Variants in PIK3CD observed in about 807,000 individuals in gnomAD.
PIK3CD encodes the protein phosphatidylinositol 4,5-bisphosphate 3-kinase catalytic subunit delta isoform.
A neutral mutation model predicts 122.9 loss-of-function variants in PIK3CD; 20 were observed. The observed-to-expected ratio is 0.16, with a 90% CI of 0.11 to 0.24. The LOEUF (loss-of-function observed/expected upper bound fraction) is 0.24. PIK3CD is among the 10% of genes least tolerant of loss of function. The pLI is 1.00. For missense variants in PIK3CD, 787 were observed against 1,406.3 expected (o/e 0.56, Z 7.04); for synonymous variants, 596 against 593.4 (o/e 1.00, Z -0.06).
intron 2 of PIK3CD, among the ~76,000 whole-genome samples, chr1:9,696,632 C>CA (rs772999646): frequency 2.7e-5 from 4 of 150,368 alleles, no homozygotes; most frequent in East Asian, 3.9e-4. Context: ...TGCCTGTAGT[C>CA]ACAGCTACTC....
chr1:9,698,030 C>CA (rs1380880167), intron 2 of PIK3CD, among the ~76,000 whole-genome samples: 1 of 151,400 alleles, frequency 6.6e-6, no homozygotes, highest in Non-Finnish European at 1.5e-5. Context: ...GACCTTGTCT[C>CA]AAAAAAGAAG....
chr1:9,703,709 T>C (rs538497497), intron 2 of PIK3CD, among the ~76,000 whole-genome samples: 13 of 152,324 alleles, frequency 8.5e-5, no homozygotes, highest in South Asian at 8.3e-4. Context: ...CATTGCTATA[T>C]AACATTCTGC....
At chr1:9,703,271 C>A (rs1026983729) in intron 2 of PIK3CD, among the ~76,000 whole-genome samples, 1 of 152,248 alleles carries the variant, frequency 6.6e-6, no homozygotes, top group Non-Finnish European at 1.5e-5. Context: ...TGATAGGCTG[C>A]GCCTAAGTCT....
At chr1:9,654,275 C>CGCGTTTCT (rs752016499) in intron 1 of PIK3CD, 7 of 1,367,630 alleles carry the variant, frequency 5.1e-6, no homozygotes, top group Middle Eastern at 4.2e-4. Flanking sequence ...GCAGGAAAAG[C>CGCGTTTCT]GCGTTTCTGC....
the PIK3CD span, among the ~76,000 whole-genome samples, chr1:9,638,887 C>A: frequency 6.6e-6 from 1 of 151,250 alleles, no homozygotes; most frequent in Non-Finnish European, 1.5e-5. Flanking sequence ...GTGATCCTCC[C>A]GCCTCAGCCT....
At chr1:9,721,719 T>G (rs1648693654) in intron 15 of PIK3CD, 42 bp from the exon 16 acceptor site, 3 of 1,606,470 alleles carry the variant, frequency 1.9e-6, no homozygotes, top group Non-Finnish European at 2.6e-6. Flanking sequence ...AGGGGCTGCG[T>G]GGTGCTGCCT....
chr1:9,669,040 T>C (rs968786237), intron 1 of PIK3CD, among the ~76,000 whole-genome samples: 1 of 152,174 alleles, frequency 6.6e-6, no homozygotes, highest in Non-Finnish European at 1.5e-5. Context: ...TGACCCTATA[T>C]GCTGTTTGGG....
At position 9,689,036 on chromosome 1, in the gene PIK3CD, T is replaced by C. The variant is rs1646083603; in HGVS notation, c.-137-2431T>C. Among the ~76,000 whole-genome samples the C allele has an allele frequency of 6.6e-6, 1 of 152,370 alleles. No homozygotes were observed. The highest frequency in any genetic ancestry group is 1.5e-5 in the Non-Finnish European group (1 of 68,046). On this transcript the variant is annotated intron_variant, in intron 1 of 23. Transcript: ENST00000377346. The surrounding 1 kb of genome is among the most constrained non-coding windows in gnomAD (Gnocchi z 6.1). The stretch of plus-strand genomic sequence containing the variant: ...CTAGGGAACAGCCAGCAGGCTGGAT[T>C]TGAGCCCAGAGCCCGGGCTGGCCAA...
At chr1:9,644,450 G>A in the PIK3CD span, among the ~76,000 whole-genome samples, 75 of 148,646 alleles carry the variant, frequency 5.0e-4, no homozygotes, top group Admixed American at 1.1e-3. Flanking sequence ...CCCAGGAAGC[G>A]GAGGTTGCAG....
Position 9,716,605 on chromosome 1 carries a change from C to CT in PIK3CD, c.767dup (p.Cys257LeufsTer32). Reference sequence around the variant, plus strand: ...TGAGTACCTGTATGGCAGCTACCCGCTCTGCCAGTTCCAGGTGAGGCCGCT... The same window carrying CT: ...TGAGTACCTGTATGGCAGCTACCCGCTTCTGCCAGTTCCAGGTGAGGCCGCT... On this transcript the variant is annotated frameshift_variant, in exon 6 of 24. Transcript: ENST00000377346. LOFTEE classifies it high-confidence loss of function. 5 of 1,561,450 alleles carry CT rather than the reference C, an allele frequency of 3.2e-6. No homozygotes were observed. The highest frequency in any genetic ancestry group is 4.3e-6 in the Non-Finnish European group (5 of 1,154,400).
At chr1:9,694,050 T>C (rs548712265) in intron 2 of PIK3CD, among the ~76,000 whole-genome samples, 1 of 152,294 alleles carries the variant, frequency 6.6e-6, no homozygotes, top group African/African-American at 2.4e-5. Flanking sequence ...GCAGAGGCAC[T>C]GCATGGAGAA....
intron 2 of PIK3CD, among the ~76,000 whole-genome samples, chr1:9,693,765 T>C (rs1031844262): frequency 6.6e-6 from 1 of 150,684 alleles, no homozygotes; most frequent in East Asian, 1.9e-4. Context: ...AGGAAACCGA[T>C]AGGCGAGAGG....
intron 1 of PIK3CD, among the ~76,000 whole-genome samples, chr1:9,687,168 C>T (rs1210485808): frequency 6.6e-6 from 1 of 152,172 alleles, no homozygotes; most frequent in Non-Finnish European, 1.5e-5. Flanking sequence ...TCCCTCCATC[C>T]ATGCTGGAGA....
intron 1 of PIK3CD, among the ~76,000 whole-genome samples, chr1:9,679,766 C>T (rs1266317410): frequency 1.3e-5 from 2 of 152,142 alleles, no homozygotes; most frequent in African/African-American, 2.4e-5. Flanking sequence ...AATTCACATA[C>T]CATACAATTC....
At chr1:9,683,444 A>T (rs577961484) in intron 1 of PIK3CD, among the ~76,000 whole-genome samples, 25 of 139,426 alleles carry the variant, frequency 1.8e-4, no homozygotes, top group South Asian at 9.8e-4. Flanking sequence ...TCTCAAAAAA[A>T]AAAAATAAAA....
chr1:9,641,877 G>A, the PIK3CD span, among the ~76,000 whole-genome samples: 2 of 152,108 alleles, frequency 1.3e-5, no homozygotes, highest in Non-Finnish European at 2.9e-5. Context: ...CCTTGGCCTT[G>A]TTCTCTAACC....
intron 13 of PIK3CD, 94 bp downstream of exon 13, chr1:9,721,003 C>A: frequency 6.9e-7 from 1 of 1,455,420 alleles, no homozygotes; most frequent in Non-Finnish European, 9.3e-7. Context: ...CCACCCTCAC[C>A]CTGGCCAACC....
At chr1:9,629,086 G>A in the PIK3CD span, among the ~76,000 whole-genome samples, 16 of 152,208 alleles carry the variant, frequency 1.1e-4, no homozygotes, top group African/African-American at 3.6e-4. Context: ...GCCACCTGAG[G>A]TCACCTCTTC....
Position 9,700,587 on chromosome 1 carries a change from C to A in PIK3CD, c.-33+9016C>A, listed in dbSNP as rs1646588215. On this transcript the variant is annotated intron_variant, in intron 2 of 23. Coordinates refer to ENST00000377346, the MANE Select transcript of PIK3CD (RefSeq NM_005026.5). This position sits in a 1 kb window ranked among gnomAD's most constrained non-coding sequence, Gnocchi z 5.1. ...GGTCACCGTCCATCACTGGGTGACG[C>A]GACCCCAGCTCCCCGCTCTGTGTCT... 6.6e-6 allele frequency among the ~76,000 whole-genome samples: 1 copy of A among 152,084 alleles called. No homozygotes were observed. Among genetic ancestry groups the A allele is most frequent in the Non-Finnish European group, 1.5e-5 (1 of 68,012 alleles).
Sources: gnomAD v4.1 joint callset for allele counts (sites outside exome capture counted in the v4.1 genomes callset) on GRCh38, gnomAD v4.1.1 for gene constraint, Gnocchi (gnomAD v3.1) non-coding constraint, MANE v1.5 for transcripts, NCBI Gene and HGNC (gene_info 2026-07-23, HGNC 2026-07-21) for gene names.